The following ARHGEF10 variants were observed in gnomAD, a reference collection of about 807,000 sequenced individuals.
ARHGEF10 encodes the protein Rho guanine nucleotide exchange factor 10, also known as Rho guanine nucleotide exchange factor (GEF) 10.
Under a neutral mutation model 147.4 loss-of-function variants are expected in ARHGEF10, and 140 were observed. That is an observed-to-expected ratio of 0.95 (90% CI 0.83 to 1.09). The LOEUF (loss-of-function observed/expected upper bound fraction) is 1.09, where lower values mean the gene tolerates loss of function less well. ARHGEF10 is among the 50% of genes least tolerant of loss of function. ARHGEF10 has a pLI of 0.00. For missense variants in ARHGEF10, 2,222 were observed against 1,752.7 expected (o/e 1.27, Z -4.78); for synonymous variants, 902 against 695.8 (o/e 1.30, Z -4.67).
At chr8:1,888,062 G>T (rs183996061) in intron 11 of ARHGEF10, among the ~76,000 whole-genome samples, 12 of 134,944 alleles carry the variant, frequency 8.9e-5, no homozygotes, top group African/African-American at 2.6e-4. Context: ...ACAGTGAGTG[G>T]GATGAGGGTT....
intron 13 of ARHGEF10, 22 bp from the exon 14 acceptor site, chr8:1,896,311 T>G (rs755864041): frequency 6.5e-7 from 1 of 1,546,634 alleles, no homozygotes; most frequent in East Asian, 2.2e-5. Context: ...GATTTCTCTC[T>G]GAATTTCCTC....
chr8:1,827,103 G>C (rs1802814651), intron 1 of ARHGEF10, among the ~76,000 whole-genome samples: 1 of 152,194 alleles, frequency 6.6e-6, no homozygotes, highest in African/African-American at 2.4e-5. Flanking sequence ...GGTCCGTCTA[G>C]GGAGGGGCAG....
At chr8:1,904,184 G>C (rs17750307) in intron 16 of ARHGEF10, 14,456 of 152,254 alleles carry the variant, frequency 0.095, 935 homozygotes, top group Middle Eastern at 0.15. Context: ...GCAGGACCCA[G>C]AAGGCGGCAG....
At chr8:1,834,263 T>TTA (rs983297965) in intron 1 of ARHGEF10, among the ~76,000 whole-genome samples, 3 of 152,240 alleles carry the variant, frequency 2.0e-5, no homozygotes, top group African/African-American at 7.2e-5. Flanking sequence ...ACTGACTGTG[T>TTA]TATAAAGCCC....
chr8:1,832,180 G>T (rs62477472), intron 1 of ARHGEF10, among the ~76,000 whole-genome samples: 116,834 of 152,040 alleles, frequency 0.77, 45,426 homozygotes, highest in Middle Eastern at 0.87. Flanking sequence ...CTGCTCCAAG[G>T]GAGTCTCCCA....
chr8:1,853,150 T>C (rs369087169), intron 2 of ARHGEF10, among the ~76,000 whole-genome samples: 5 of 152,200 alleles, frequency 3.3e-5, no homozygotes, highest in African/African-American at 1.2e-4. Flanking sequence ...CGTCTGTGTT[T>C]CCTCCTCCGT....
At chr8:1,853,297 G>A (rs920135608) in intron 2 of ARHGEF10, among the ~76,000 whole-genome samples, 41 of 152,180 alleles carry the variant, frequency 2.7e-4, no homozygotes, top group African/African-American at 9.4e-4. Flanking sequence ...AGAGCGCCGG[G>A]CCCTTCCCGC....
At chr8:1,834,366 C>T (rs1486606432) in intron 1 of ARHGEF10, among the ~76,000 whole-genome samples, 2 of 152,156 alleles carry the variant, frequency 1.3e-5, no homozygotes, top group Admixed American at 6.5e-5. Context: ...GAGACGGTCT[C>T]AGTCCGAGGT....
At chr8:1,911,153 G>C (rs1381925071) in intron 18 of ARHGEF10, among the ~76,000 whole-genome samples, 1 of 152,184 alleles carries the variant, frequency 6.6e-6, no homozygotes, top group Admixed American at 6.5e-5. Context: ...CTATTAAAAA[G>C]AAATATGCCA....
At chr8:1,838,730 G>A (rs552277247) in intron 1 of ARHGEF10, among the ~76,000 whole-genome samples, 15 of 152,384 alleles carry the variant, frequency 9.8e-5, no homozygotes, top group East Asian at 1.9e-4. Context: ...GCCGTCCACC[G>A]TGGGGACTGT....
At chr8:1,849,843 C>T (rs1289453474) in intron 2 of ARHGEF10, among the ~76,000 whole-genome samples, 2 of 111,086 alleles carry the variant, frequency 1.8e-5, no homozygotes, top group Admixed American at 9.9e-5. Flanking sequence ...AGGGCTTGGG[C>T]GGCCACGTGG....
chr8:1,842,653 A>G (rs1804184516), intron 1 of ARHGEF10, among the ~76,000 whole-genome samples: 1 of 152,212 alleles, frequency 6.6e-6, no homozygotes, highest in Admixed American at 6.5e-5. Context: ...TTCCCTGAGG[A>G]CAGCTTATTT....
chr8:1,912,171 C>T (rs548997906), intron 18 of ARHGEF10, among the ~76,000 whole-genome samples: 9 of 151,758 alleles, frequency 5.9e-5, no homozygotes, highest in African/African-American at 1.7e-4. Flanking sequence ...GCAAAAGCGC[C>T]GTGTCGATTG....
chr8:1,909,331 G>A lies in ARHGEF10; in HGVS notation c.2004G>A (p.Arg668=), dbSNP rs1563270216. ...ACAGCCGTGTGATGAGCAGCCAGAG[G>A]TACTTGCTGAAGTGGAGCGTTCCAC... ...SHDSRVMSSQ[R]YLLKWSVPLG... Residue 668 remains arginine (R), a synonymous_variant, in exon 18 of 29, where the codon AGG becomes AGA. Coordinates refer to ENST00000349830, the MANE Select transcript of ARHGEF10 (RefSeq NM_014629.4). The A allele has an allele frequency of 4.3e-6, 7 of 1,614,108 alleles. No homozygotes were observed. Among genetic ancestry groups the A allele is most frequent in the Admixed American group, 3.3e-5 (2 of 60,004 alleles).
In ARHGEF10 at chr8:1,885,676, C is replaced by A; in HGVS notation, c.1151C>A (p.Thr384Asn). 1 of 1,613,946 alleles carries A rather than the reference C, an allele frequency of 6.2e-7. No homozygotes were observed. The highest frequency in any genetic ancestry group is 8.5e-7 in the Non-Finnish European group (1 of 1,179,968). The change falls in exon 11 of 29, where the codon ACC (threonine) becomes AAC (asparagine). Residue 384 changes from threonine to asparagine, a missense_variant. Physicochemically the swap from Thr to Asn is moderately conservative, Grantham distance 65 (BLOSUM62 0). Coordinates refer to ENST00000349830, the MANE Select transcript of ARHGEF10 (RefSeq NM_014629.4). ...VDCKHPEAIL[T>N]PMPEGLSQQQ... ...TGCAAGCACCCGGAAGCCATCTTGA[C>A]CCCGATGCCCGAGGGTTTATCTCAG...
At chr8:1,843,483 C>G (rs746352771) in intron 2 of ARHGEF10, 47 bp downstream of exon 2, 1 of 1,453,562 alleles carries the variant, frequency 6.9e-7, no homozygotes, top group Non-Finnish European at 9.6e-7. Flanking sequence ...TGTGCTGCTG[C>G]TCTCATCAAG....
At chr8:1,944,125 AGGATCCCAGCCTCCCGCATCG>A (rs1814349703) in intron 26 of ARHGEF10, among the ~76,000 whole-genome samples, 97 of 65,168 alleles carry the variant, frequency 1.5e-3, no homozygotes, top group African/African-American at 2.2e-3. Context: ...CGCCTCCCCC[AGGATCCCAGCCTCCCGCATCG>A]TGTCGCCTCC....
chr8:1,946,920 G>T (rs574704604), intron 27 of ARHGEF10, among the ~76,000 whole-genome samples: 2 of 152,326 alleles, frequency 1.3e-5, no homozygotes, highest in East Asian at 3.9e-4. Flanking sequence ...TTTCTCAGGG[G>T]CTAACTGTAC....
intron 16 of ARHGEF10, 98 bp from the exon 17 acceptor site, chr8:1,905,473 G>A: frequency 6.7e-7 from 1 of 1,498,100 alleles, no homozygotes; most frequent in South Asian, 1.1e-5. Flanking sequence ...GCTCAGTTTG[G>A]AAAAGTCACC....
Sources: allele counts gnomAD v4.1 joint callset (sites outside exome capture counted in the v4.1 genomes callset), GRCh38; gene constraint gnomAD v4.1.1; transcripts MANE v1.5; gene names NCBI Gene and HGNC (gene_info 2026-07-23, HGNC 2026-07-21).